Variants in PPHLN1 observed in about 807,000 individuals in gnomAD.
PPHLN1 encodes periphilin 1.
A neutral mutation model predicts 51.3 loss-of-function variants in PPHLN1; 29 were observed. That is an observed-to-expected ratio of 0.57 (90% CI 0.42 to 0.77). PPHLN1 has a LOEUF of 0.77. Ranked by LOEUF, PPHLN1 falls within the 30% of genes least tolerant of loss-of-function variation. PPHLN1 has a pLI of 0.00. For missense variants in PPHLN1, 436 were observed against 438.4 expected, an observed-to-expected ratio of 0.99 and a Z score of 0.05; for synonymous variants, 147 against 147.8, an observed-to-expected ratio of 0.99 and a Z score of 0.04.
intron 8 of PPHLN1, among the ~76,000 whole-genome samples, chr12:42,395,813 G>A (rs897917636): frequency 2.0e-5 from 3 of 152,132 alleles, no homozygotes; most frequent in Admixed American, 6.5e-5. Context: ...TCATTATTAT[G>A]AGCTGAGATA....
At chr12:42,380,870 C>A (rs1042940492) in intron 5 of PPHLN1, among the ~76,000 whole-genome samples, 2 of 152,126 alleles carry the variant, frequency 1.3e-5, no homozygotes, top group Non-Finnish European at 2.9e-5. Flanking sequence ...ATGCTGTGTT[C>A]AATACTTACA....
At position 42,358,949 on chromosome 12, in the gene PPHLN1, CAT is replaced by C. The variant is rs141287991; in HGVS notation, c.299+3728_299+3729del. Among the ~76,000 whole-genome samples, 1,031 of 152,106 alleles carry C rather than the reference CAT, an allele frequency of 6.8e-3. 10 individuals carry two copies. Among genetic ancestry groups the C allele is most frequent in the African/African-American group, 0.024 (984 of 41,496 alleles). On this transcript the variant is annotated intron_variant, in intron 4 of 9. Transcript: ENST00000358314. ...AGTTTGCCTGCTAAAAATGGTTTAA[CAT>C]GTGTGTTTAATTTTTTTTAATAAAA...
chr12:42,412,293 C>G (rs960717531), intron 9 of PPHLN1, among the ~76,000 whole-genome samples: 4 of 151,872 alleles, frequency 2.6e-5, no homozygotes, highest in Non-Finnish European at 5.9e-5. Context: ...ACCACTCTGT[C>G]TGCCTTCGCA....
intron 4 of PPHLN1, among the ~76,000 whole-genome samples, chr12:42,374,043 A>T (rs1481433663): frequency 6.6e-6 from 1 of 152,172 alleles, no homozygotes; most frequent in African/African-American, 2.4e-5. Context: ...CAGTTATGAT[A>T]ATCAAAAATA....
intron 9 of PPHLN1, among the ~76,000 whole-genome samples, chr12:42,403,417 C>G (rs938366661): frequency 6.6e-6 from 1 of 152,164 alleles, no homozygotes. Context: ...TTGAAAGTTA[C>G]AATTTACCAG....
rs779695403 is a variant in PPHLN1, at chr12:42,421,640, G to A, written c.910-19675G>A. On this transcript the variant is annotated intron_variant, in intron 9 of 9. Coordinates refer to ENST00000358314, the MANE Select transcript of PPHLN1 (RefSeq NM_201439.2). ...TGGGATTACAAGCATGAGCCATTAC[G>A]CTGAGCTGTGACAAATATCTTAAAC... Among the ~76,000 whole-genome samples the A allele has an allele frequency of 1.4e-4, 22 of 152,276 alleles. No homozygotes were observed. The South Asian group carries it at 1.4e-3, about 10-fold the overall frequency.
chr12:42,355,720 C>T (rs900159125), intron 4 of PPHLN1: 2 of 149,090 alleles, frequency 1.3e-5, no homozygotes, highest in Non-Finnish European at 2.9e-5. Flanking sequence ...AGCTGCACTC[C>T]AGCCTGGGCA....
chr12:42,369,389 T>A (rs2075585721), intron 4 of PPHLN1, among the ~76,000 whole-genome samples: 1 of 152,162 alleles, frequency 6.6e-6, no homozygotes, highest in Non-Finnish European at 1.5e-5. Flanking sequence ...ATTCCATAGT[T>A]TTGCTTTCCT....
chr12:42,341,416 G>C (rs1309788873), intron 2 of PPHLN1, among the ~76,000 whole-genome samples: 1 of 152,120 alleles, frequency 6.6e-6, no homozygotes, highest in African/African-American at 2.4e-5. Context: ...GGTACCTTCT[G>C]TAGTAGTATG....
chr12:42,341,005 G>A (rs978701617), intron 2 of PPHLN1, among the ~76,000 whole-genome samples: 2 of 139,000 alleles, frequency 1.4e-5, no homozygotes, highest in African/African-American at 5.5e-5. Context: ...TTTTGAGATG[G>A]AGTTTTGCTC....
chr12:42,413,520 A>ATG (rs1488724259), intron 9 of PPHLN1, among the ~76,000 whole-genome samples: 3 of 128,126 alleles, frequency 2.3e-5, no homozygotes, highest in Non-Finnish European at 3.4e-5. Context: ...AACTATATAT[A>ATG]TGTATATGTG....
At chr12:42,345,191 T>C (rs1353327612) in intron 2 of PPHLN1, among the ~76,000 whole-genome samples, 1 of 152,190 alleles carries the variant, frequency 6.6e-6, no homozygotes, top group Non-Finnish European at 1.5e-5. Flanking sequence ...ACTAGGTATT[T>C]TATTCTGACC....
intron 8 of PPHLN1, among the ~76,000 whole-genome samples, chr12:42,395,897 G>A (rs1018258275): frequency 1.3e-5 from 2 of 151,966 alleles, no homozygotes; most frequent in East Asian, 1.9e-4. Flanking sequence ...AATTTGTTTG[G>A]GAAAACGTGT....
downstream of PPHLN1, chr12:42,445,032 G>A (rs773537999): frequency 8.5e-6 from 6 of 701,994 alleles, no homozygotes; most frequent in African/African-American, 5.2e-5. Flanking sequence ...TGCTTACTCT[G>A]TTTATTTATT....
At chr12:42,417,043 T>A (rs1004789014) in intron 9 of PPHLN1, among the ~76,000 whole-genome samples, 7 of 152,222 alleles carry the variant, frequency 4.6e-5, no homozygotes, top group Non-Finnish European at 1.0e-4. Context: ...ACAGAAATGT[T>A]TGGCTACTTT....
intron 9 of PPHLN1, among the ~76,000 whole-genome samples, chr12:42,426,205 CA>C (rs1368893677): frequency 2.2e-4 from 33 of 150,076 alleles, no homozygotes; most frequent in African/African-American, 7.9e-4. Context: ...CACACACACA[CA>C]CACACACACA....
At chr12:42,334,773 G>C (rs1565732640) in intron 1 of PPHLN1, among the ~76,000 whole-genome samples, 1 of 152,226 alleles carries the variant, frequency 6.6e-6, no homozygotes, top group Non-Finnish European at 1.5e-5. Flanking sequence ...CTTAGAACCT[G>C]CTTCATGATT....
In PPHLN1 at chr12:42,420,409, T is replaced by A. The variant is rs182925603; in HGVS notation, c.910-20906T>A. Among the ~76,000 whole-genome samples the A allele has an allele frequency of 2.1e-3, 312 of 152,066 alleles. 1 individual carries two copies. The highest frequency in any genetic ancestry group is 7.2e-3 in the African/African-American group (297 of 41,474). On this transcript the variant is annotated intron_variant, in intron 9 of 9. Coordinates refer to ENST00000358314, the MANE Select transcript of PPHLN1 (RefSeq NM_201439.2). The stretch of plus-strand genomic sequence containing the variant: ...GTGTGTGTGTGTTTGTCTCTTTTGG[T>A]GTTTATTGTTTTCTGGCAGAAATTG...
chr12:42,346,044 G>C (rs2072267820), intron 2 of PPHLN1, among the ~76,000 whole-genome samples: 1 of 152,082 alleles, frequency 6.6e-6, no homozygotes, highest in African/African-American at 2.4e-5. Context: ...TAGTGAAGGA[G>C]ACAAACATAT....
Sources: gnomAD v4.1 joint callset for allele counts (sites outside exome capture counted in the v4.1 genomes callset) on GRCh38, gnomAD v4.1.1 for gene constraint, MANE v1.5 for transcripts, NCBI Gene and HGNC (gene_info 2026-07-23, HGNC 2026-07-21) for gene names.